POGZ: variants seen among roughly 807,000 people sequenced by gnomAD.
POGZ encodes the protein pogo transposable element derived with ZNF domain, also known as pogo transposable element with ZNF domain.
Under a neutral mutation model 134.6 loss-of-function variants are expected in POGZ, and 17 were observed. That is an observed-to-expected ratio of 0.13 (90% CI 0.09 to 0.19). The LOEUF (loss-of-function observed/expected upper bound fraction) is 0.19, where lower values mean the gene tolerates loss of function less well. Among genes scored for constraint, POGZ ranks in the 10% least tolerant of loss-of-function variants. POGZ has a pLI of 1.00. For synonymous variants in POGZ, 693 were observed against 657.1 expected, an observed-to-expected ratio of 1.05 and a Z score of -0.84; for missense variants, 1,306 against 1,769.7, an observed-to-expected ratio of 0.74 and a Z score of 4.70.
intron 3 of POGZ, among the ~76,000 whole-genome samples, chr1:151,439,403 G>T (rs1660158238): frequency 6.6e-6 from 1 of 152,010 alleles, no homozygotes; most frequent in Admixed American, 6.6e-5. Flanking sequence ...AATCATGGAG[G>T]TTTTAAAGTT....
intron 3 of POGZ, among the ~76,000 whole-genome samples, chr1:151,438,707 G>A (rs1193123136): frequency 1.3e-5 from 2 of 152,016 alleles, no homozygotes; most frequent in African/African-American, 4.8e-5. Flanking sequence ...GTGAAACCCT[G>A]TCTCTACAAA....
rs558861238 is a variant in POGZ at position 151,448,897 on chromosome 1, A to C, written c.-1-6692T>G. On this transcript the variant is annotated intron_variant, in intron 1 of 18. Coordinates refer to ENST00000271715, the MANE Select transcript of POGZ (RefSeq NM_015100.4). ...AAACAAACAAACAAACACGCAAACAAACAAAACTATCTTTCCTTGAACACA... is the reference window on the plus strand; with the variant it reads ...AAACAAACAAACAAACACGCAAACACACAAAACTATCTTTCCTTGAACACA... Among the ~76,000 whole-genome samples the C allele has an allele frequency of 9.2e-5, 14 of 152,232 alleles. No homozygotes were observed. The South Asian group carries it at 2.7e-3, about 29-fold the overall frequency.
chr1:151,424,350 C>T (rs931733928), intron 8 of POGZ, 64 bp from the exon 9 acceptor site: 17 of 971,268 alleles, frequency 1.8e-5, no homozygotes, highest in South Asian at 1.5e-4. Flanking sequence ...AACTCCTTAA[C>T]TTCACTACCA....
chr1:151,419,181 C>A (rs1212931931), intron 10 of POGZ, among the ~76,000 whole-genome samples: 1 of 151,956 alleles, frequency 6.6e-6, no homozygotes, highest in East Asian at 1.9e-4. Context: ...CGGCGAAACC[C>A]CATCTCTACT....
At chr1:151,406,532 T>C (rs1452906579) in intron 18 of POGZ, 68 bp from the exon 19 acceptor site, 11 of 1,537,018 alleles carry the variant, frequency 7.2e-6, no homozygotes, top group Middle Eastern at 4.3e-4. Flanking sequence ...AACAATAATA[T>C]GATAATAATA....
chr1:151,403,726 G>T lies in POGZ; in HGVS notation c.*1076C>A. ...TAGGGGAAAGCCACAGAGCACGCTG[G>T]ATTTCAACAAGTGGTCTTGTCTTTT... is the stretch of plus-strand genomic sequence containing the variant. On this transcript the variant is annotated 3_prime_UTR_variant, in exon 19 of 19. Transcript: ENST00000271715. 1.0e-6 allele frequency: 1 copy of T among 985,830 alleles called. No homozygotes were observed. The highest frequency in any genetic ancestry group is 1.2e-6 in the Non-Finnish European group (1 of 829,936). 61.1% of individuals were successfully genotyped at this position (985,830 alleles called of 1,614,324 possible). A position where few individuals can be genotyped will look rare whatever the true frequency, so the allele number is the denominator to read the frequency against.
intron 10 of POGZ, among the ~76,000 whole-genome samples, chr1:151,417,609 G>A (rs1557889355): frequency 6.6e-6 from 1 of 151,104 alleles, no homozygotes; most frequent in African/African-American, 2.4e-5. Context: ...TGATCCGTCC[G>A]CCTCAGCCTC....
chr1:151,413,886 G>A (rs559009727), intron 10 of POGZ, among the ~76,000 whole-genome samples: 14 of 152,234 alleles, frequency 9.2e-5, no homozygotes, highest in African/African-American at 3.4e-4. Flanking sequence ...AAAGCCAGGG[G>A]TTCTTAATCT....
At chr1:151,426,955 G>A (rs1039462201) in intron 7 of POGZ, 2 of 152,090 alleles carry the variant, frequency 1.3e-5, no homozygotes, top group African/African-American at 4.8e-5. Context: ...TTCTGTTGCA[G>A]TGGCATGCTC....
At chr1:151,444,454 C>T (rs1660989694) in intron 1 of POGZ, among the ~76,000 whole-genome samples, 1 of 152,144 alleles carries the variant, frequency 6.6e-6, no homozygotes, top group Non-Finnish European at 1.5e-5. Flanking sequence ...GTATAACTTT[C>T]TGAGAGCTTA....
chr1:151,424,518 T>C (rs748984125), intron 8 of POGZ: 4 of 398,112 alleles, frequency 1.0e-5, no homozygotes, highest in Non-Finnish European at 1.8e-5. Flanking sequence ...CTTAGGTCCC[T>C]TAATCATTAG....
intron 1 of POGZ, among the ~76,000 whole-genome samples, chr1:151,457,350 A>G (rs939066535): frequency 2.0e-5 from 3 of 152,202 alleles, no homozygotes; most frequent in African/African-American, 7.2e-5. Flanking sequence ...TACATTAATC[A>G]GTCTCAGCCC....
chr1:151,404,370 G>A lies in POGZ; in HGVS notation c.*432C>T. On this transcript the variant is annotated 3_prime_UTR_variant, in exon 19 of 19. Transcript: ENST00000271715. ...ATTAACAATGATTAGATAGCATCAT[G>A]CCCAAAGACATTGGCCACACAATAA... 1.0e-6 allele frequency: 1 copy of A among 987,240 alleles called. No individual in the cohort carries two copies. The highest frequency in any genetic ancestry group is 1.2e-6 in the Non-Finnish European group (1 of 830,148). 61.2% of individuals were successfully genotyped at this position (987,240 alleles called of 1,614,324 possible). A position where few individuals can be genotyped will look rare whatever the true frequency, so the allele number is the denominator to read the frequency against.
intron 17 of POGZ, 115 bp downstream of exon 17, chr1:151,406,796 G>T: frequency 2.1e-6 from 2 of 975,354 alleles, no homozygotes; most frequent in African/African-American, 1.6e-5. Flanking sequence ...ATTAGGTCCA[G>T]CACATCTCAA....
chr1:151,410,743 C>T (rs1413261756), intron 12 of POGZ, among the ~76,000 whole-genome samples: 2 of 152,178 alleles, frequency 1.3e-5, no homozygotes, highest in Non-Finnish European at 2.9e-5. Context: ...TGCTAACTTA[C>T]AATATCCAAG....
chr1:151,448,728 T>C (rs1661614188), intron 1 of POGZ, among the ~76,000 whole-genome samples: 1 of 151,936 alleles, frequency 6.6e-6, no homozygotes, highest in Non-Finnish European at 1.5e-5. Context: ...AGAGTGTTGG[T>C]GGCATGCACA....
Position 151,408,813 on chromosome 1 carries a change from G to A in POGZ, c.1942C>T (p.His648Tyr). 7 of 1,611,938 alleles carry A rather than the reference G, an allele frequency of 4.3e-6. No individual in the cohort carries two copies. The highest frequency in any genetic ancestry group is 5.9e-6 in the Non-Finnish European group (7 of 1,179,398). The change falls in exon 13 of 19, where the codon CAC (histidine) becomes TAC (tyrosine). Residue 648 changes from histidine (H) to tyrosine (Y), a missense_variant. Around this residue, in one of 10 missense-constraint regions of POGZ, gnomAD observed 149 missense variants for 237.5 expected, o/e 0.63. Coordinates refer to ENST00000271715, the MANE Select transcript of POGZ (RefSeq NM_015100.4). The stretch of plus-strand genomic sequence containing the variant: ...AACTGCAGCCGGCATTTGTTGCAGT[G>A]ATAAACATTTCTCTTCTGAAGTGGG... ...YMRHQKRNVY[H>Y]CNKCRLQFLF...
intron 3 of POGZ, among the ~76,000 whole-genome samples, chr1:151,432,892 C>G (rs1360770494): frequency 1.3e-5 from 2 of 152,152 alleles, no homozygotes; most frequent in Non-Finnish European, 2.9e-5. Flanking sequence ...TTGTCTGAAT[C>G]CAGTTACAAA....
At chr1:151,456,177 C>T (rs1040846046) in intron 1 of POGZ, among the ~76,000 whole-genome samples, 1 of 152,198 alleles carries the variant, frequency 6.6e-6, no homozygotes, top group African/African-American at 2.4e-5. Flanking sequence ...TTTGCAACAT[C>T]ATGCATTGGT....
Sources: allele counts gnomAD v4.1 joint callset (sites outside exome capture counted in the v4.1 genomes callset), GRCh38; gene constraint gnomAD v4.1.1; regional missense constraint gnomAD v4.1.1; transcripts MANE v1.5; gene names NCBI Gene and HGNC (gene_info 2026-07-23, HGNC 2026-07-21).